The following CPE variants were observed in gnomAD, a reference collection of about 807,000 sequenced individuals.
The protein encoded by CPE is carboxypeptidase E, also known as carbocypeptidase E.
CPE carries 17 observed loss-of-function variants against 53.5 expected under a neutral mutation model. The observed-to-expected ratio is 0.32, with a 90% confidence interval of 0.22 to 0.48. The LOEUF is 0.48. Among genes scored for constraint, CPE ranks in the 20% least tolerant of loss-of-function variants. The pLI, the probability that CPE is intolerant of heterozygous loss-of-function variation, is 0.99. For synonymous variants in CPE, 226 were observed against 228.8 expected (o/e 0.99, Z 0.11); for missense variants, 524 against 614.7 (o/e 0.85, Z 1.56).
chr4:165,400,167 T>C (rs1730842950), intron 1 of CPE, among the ~76,000 whole-genome samples: 1 of 152,186 alleles, frequency 6.6e-6, no homozygotes, highest in South Asian at 2.1e-4. Context: ...TAGGGAGGTG[T>C]TGTGGACCCA....
chr4:165,405,187 G>A (rs561951704), intron 1 of CPE: 27 of 777,362 alleles, frequency 3.5e-5, no homozygotes, highest in Non-Finnish European at 6.0e-5. Flanking sequence ...CAGTGAGTGT[G>A]GCATCTTTAA....
intron 1 of CPE, among the ~76,000 whole-genome samples, chr4:165,440,977 A>G (rs1241748164): frequency 6.6e-6 from 1 of 152,200 alleles, no homozygotes; most frequent in Non-Finnish European, 1.5e-5. Flanking sequence ...GCATCAATGG[A>G]AATGCAGATG....
chr4:165,410,319 T>TA, intron 1 of CPE, among the ~76,000 whole-genome samples: 1 of 150,410 alleles, frequency 6.6e-6, no homozygotes, highest in Non-Finnish European at 1.5e-5. Flanking sequence ...TATAAAAGAG[T>TA]AAAAAAATCG....
chr4:165,481,011 TATA>T (rs1158643335), intron 3 of CPE, among the ~76,000 whole-genome samples: 38,492 of 100,502 alleles, frequency 0.38, 5,760 homozygotes, highest in South Asian at 0.42. Context: ...TATATATATA[TATA>T]TATTTTTTTT....
At chr4:165,441,208 TTTGA>T (rs1453219401) in intron 1 of CPE, among the ~76,000 whole-genome samples, 1 of 152,160 alleles carries the variant, frequency 6.6e-6, no homozygotes, top group African/African-American at 2.4e-5. Context: ...AGAATCTTGA[TTTGA>T]TTGTTAATCT....
At chr4:165,489,338 T>G (rs187656546) in intron 6 of CPE, among the ~76,000 whole-genome samples, 55 of 152,346 alleles carry the variant, frequency 3.6e-4, no homozygotes, top group Admixed American at 3.4e-3. Context: ...CTTTTAATTT[T>G]ATGTATATAG....
chr4:165,386,392 G>A, intron 1 of CPE: 1 of 403,530 alleles, frequency 2.5e-6, no homozygotes, highest in Admixed American at 4.2e-5. Context: ...GCCACTCAGT[G>A]AATATGTTTG....
intron 1 of CPE, among the ~76,000 whole-genome samples, chr4:165,391,432 A>C (rs1398669893): frequency 6.6e-6 from 1 of 152,140 alleles, no homozygotes; most frequent in Non-Finnish European, 1.5e-5. Flanking sequence ...TTTCCATAAT[A>C]TTCTCAGCCC....
intron 4 of CPE, among the ~76,000 whole-genome samples, chr4:165,483,826 A>C (rs1732459786): frequency 6.6e-6 from 1 of 152,106 alleles, no homozygotes; most frequent in African/African-American, 2.4e-5. Flanking sequence ...TGGGATGATA[A>C]TTTTAGATAT....
intron 1 of CPE, among the ~76,000 whole-genome samples, chr4:165,407,480 C>T (rs1309909836): frequency 1.3e-5 from 2 of 151,572 alleles, no homozygotes; most frequent in Non-Finnish European, 2.9e-5. Flanking sequence ...AAGGGATTCT[C>T]CCACTTCAGC....
chr4:165,420,073 G>C (rs1370000475), intron 1 of CPE, among the ~76,000 whole-genome samples: 2 of 151,626 alleles, frequency 1.3e-5, no homozygotes, highest in East Asian at 3.9e-4. Flanking sequence ...CCTTATATGT[G>C]TGACTGTCTT....
intron 1 of CPE, among the ~76,000 whole-genome samples, chr4:165,418,477 T>C (rs1325262513): frequency 2.0e-5 from 3 of 152,230 alleles, no homozygotes; most frequent in African/African-American, 7.2e-5. Flanking sequence ...TAAAACTCTT[T>C]GCTAGCATTA....
At chr4:165,477,754 C>T (rs1732328969) in intron 3 of CPE, among the ~76,000 whole-genome samples, 2 of 151,814 alleles carry the variant, frequency 1.3e-5, no homozygotes, top group Admixed American at 6.6e-5. Flanking sequence ...AATTCATATT[C>T]CCACATAAGC....
chr4:165,410,164 G>A (rs762291208), intron 1 of CPE, among the ~76,000 whole-genome samples: 1 of 150,692 alleles, frequency 6.6e-6, no homozygotes, highest in East Asian at 2.0e-4. Flanking sequence ...CAGGAGAATC[G>A]ATTGAACCTG....
chr4:165,390,042 C>T (rs1022375158), intron 1 of CPE, among the ~76,000 whole-genome samples: 5 of 152,178 alleles, frequency 3.3e-5, no homozygotes, highest in Admixed American at 1.3e-4. Flanking sequence ...TAGTTATACA[C>T]ACTTTGCCAA....
intron 1 of CPE, among the ~76,000 whole-genome samples, chr4:165,441,319 C>T (rs988359384): frequency 6.6e-6 from 1 of 152,142 alleles, no homozygotes; most frequent in Non-Finnish European, 1.5e-5. Flanking sequence ...TCCTATAGAT[C>T]CTGAACTCCT....
In CPE at chr4:165,479,768, G is replaced by A. The variant is rs1057161803; in HGVS notation, c.673-2474G>A. Among the ~76,000 whole-genome samples the A allele has an allele frequency of 5.3e-5, 8 of 152,120 alleles. No individual in the cohort carries two copies. The South Asian group carries it at 1.5e-3, about 28-fold the overall frequency. Reference sequence around the variant, plus strand: ...GCACTTTGGGAGGCCGAGGCGGGCGGATCACGAGGTCAGGAGATCGAGACC... The same window carrying A: ...GCACTTTGGGAGGCCGAGGCGGGCGAATCACGAGGTCAGGAGATCGAGACC... On this transcript the variant is annotated intron_variant, in intron 3 of 8. Transcript: ENST00000402744.
intron 3 of CPE, among the ~76,000 whole-genome samples, chr4:165,469,730 G>C (rs1413178822): frequency 2.0e-5 from 3 of 152,128 alleles, no homozygotes; most frequent in African/African-American, 7.2e-5. Context: ...TTGATCACTT[G>C]ATTGTAAGAA....
At chr4:165,463,549 A>G (rs1035462469) in intron 1 of CPE, among the ~76,000 whole-genome samples, 4 of 152,150 alleles carry the variant, frequency 2.6e-5, no homozygotes, top group African/African-American at 9.7e-5. Context: ...GGCCCCTCTC[A>G]ATCACTATGA....
Sources: gnomAD v4.1 joint callset for allele counts (sites outside exome capture counted in the v4.1 genomes callset) on GRCh38, gnomAD v4.1.1 for gene constraint, MANE v1.5 for transcripts, NCBI Gene and HGNC (gene_info 2026-07-23, HGNC 2026-07-21) for gene names.